Variants in DNAH17 observed in about 807,000 individuals in gnomAD.
The protein encoded by DNAH17 is axonemal beta dynein heavy chain 17.
In DNAH17, 376 loss-of-function variants were observed where a neutral mutation model predicts 485.6. The observed-to-expected ratio is 0.77, with a 90% CI of 0.71 to 0.84. The LOEUF is 0.84. Among genes scored for constraint, DNAH17 ranks in the 40% least tolerant of loss-of-function variants. The probability of loss-of-function intolerance (pLI) is 0.00; values close to 1 mark genes in which losing one functional copy is unlikely to be tolerated. For synonymous variants in DNAH17, 3,031 were observed against 2,405.9 expected (o/e 1.26, Z -7.60); for missense variants, 6,370 against 5,839.3 (o/e 1.09, Z -2.96).
intron 61 of DNAH17, 94 bp downstream of exon 61, chr17:78,458,907 G>A: frequency 7.3e-7 from 1 of 1,367,800 alleles, no homozygotes; most frequent in Non-Finnish European, 1.0e-6. Context: ...CATGACGGCG[G>A]GCCGTGCCAA....
intron 54 of DNAH17, among the ~76,000 whole-genome samples, chr17:78,473,765 C>T (rs896880401): frequency 6.6e-6 from 1 of 152,076 alleles, no homozygotes; most frequent in African/African-American, 2.4e-5. Flanking sequence ...GGAAACGATG[C>T]CGTCATGAAC....
chr17:78,571,590 C>CTGT lies in DNAH17; in HGVS notation c.729_731dup (p.Gln244dup). On this transcript the variant is annotated inframe_insertion and splice_region_variant, in exon 4 of 81. Coordinates refer to ENST00000389840, the MANE Select transcript of DNAH17 (RefSeq NM_173628.4). Reference sequence around the variant, plus strand: ...CCCCACAGGAGAGAGGAGGCCGTACCTGTTCATGGATGCACTTGAGGTTCA... The same window carrying CTGT: ...CCCCACAGGAGAGAGGAGGCCGTACCTGTTGTTCATGGATGCACTTGAGGTTCA... 6.2e-7 allele frequency: 1 copy of CTGT among 1,613,874 alleles called. No individual in the cohort carries two copies. Among genetic ancestry groups the CTGT allele is most frequent in the Non-Finnish European group, 8.5e-7 (1 of 1,179,870 alleles).
intron 47 of DNAH17, 72 bp from the exon 48 acceptor site, chr17:78,485,105 T>TAC: frequency 6.7e-7 from 1 of 1,489,092 alleles, no homozygotes. Context: ...GGAGGGGCGC[T>TAC]ACCTGCTTCC....
rs142288184 is a variant in DNAH17, at chr17:78,429,224, C to T, written c.12302G>A (p.Arg4101Gln). Reference sequence around the variant, plus strand: ...TTCAGCCAGGTAGGTCCTGCACAGCCGACGGTCCCAGTCATCTGTGATGTG... The same window carrying T: ...TTCAGCCAGGTAGGTCCTGCACAGCTGACGGTCCCAGTCATCTGTGATGTG... ...GGHITDDWDR[R>Q]LCRTYLAEYI... The change falls in exon 76 of 81, where the codon CGG becomes CAG. Residue 4101 changes from arginine to glutamine, a missense_variant. Transcript: ENST00000389840. 6.1e-5 allele frequency: 98 copies of T among 1,613,818 alleles called. No individual in the cohort carries two copies. The highest frequency in any genetic ancestry group is 7.9e-5 in the Non-Finnish European group (93 of 1,179,872).
chr17:78,517,103 C>T (rs775553921), intron 25 of DNAH17, among the ~76,000 whole-genome samples: 5 of 152,212 alleles, frequency 3.3e-5, no homozygotes, highest in African/African-American at 4.8e-5. Context: ...AGTACAGTGA[C>T]GTGATCTCAG....
At chr17:78,546,259 G>A (rs1433326655) in intron 16 of DNAH17, among the ~76,000 whole-genome samples, 7 of 152,184 alleles carry the variant, frequency 4.6e-5, no homozygotes, top group Non-Finnish European at 7.3e-5. Flanking sequence ...GTCAAAAATG[G>A]TCAATTATTG....
chr17:78,515,650 G>A (rs1174906114), intron 25 of DNAH17, among the ~76,000 whole-genome samples: 1 of 152,236 alleles, frequency 6.6e-6, no homozygotes, highest in Non-Finnish European at 1.5e-5. Flanking sequence ...GCCAAGGAAA[G>A]GTGAGTGATG....
chr17:78,568,127 G>T (rs1268422449), intron 9 of DNAH17, among the ~76,000 whole-genome samples: 1 of 152,178 alleles, frequency 6.6e-6, no homozygotes, highest in African/African-American at 2.4e-5. Context: ...TTGTCAGGGG[G>T]TGGACAGCAA....
rs1476023212 is a variant in DNAH17 at position 78,505,897 on chromosome 17, G to C, written c.4804-452C>G. 3.9e-5 allele frequency among the ~76,000 whole-genome samples: 6 copies of C among 152,232 alleles called. No individual in the cohort carries two copies. The South Asian group carries it at 1.2e-3, about 32-fold the overall frequency. ...GGAGGCTGAGGCAGGAGAATCACCT[G>C]AACCCAGGAGGCAGAGGTTGTGGTG... On this transcript the variant is annotated intron_variant, in intron 30 of 80. Coordinates refer to ENST00000389840, the MANE Select transcript of DNAH17 (RefSeq NM_173628.4).
At chr17:78,563,536 TCCCAACACTTTGAGGGG>T (rs1352889861) in intron 11 of DNAH17, among the ~76,000 whole-genome samples, 2 of 152,156 alleles carry the variant, frequency 1.3e-5, no homozygotes, top group Non-Finnish European at 2.9e-5. Context: ...ACACCTGTAA[TCCCAACACTTTGAGGGG>T]CCGAGGCGGG....
chr17:78,465,040 G>T (rs1479467370), intron 56 of DNAH17, among the ~76,000 whole-genome samples: 1 of 152,008 alleles, frequency 6.6e-6, no homozygotes, highest in African/African-American at 2.4e-5. Flanking sequence ...CAGCCTCCCT[G>T]CCTGATTCTC....
intron 25 of DNAH17, among the ~76,000 whole-genome samples, chr17:78,518,753 A>G (rs2090855425): frequency 6.6e-6 from 1 of 152,234 alleles, no homozygotes; most frequent in Non-Finnish European, 1.5e-5. Context: ...CCTGATCCAT[A>G]AAATAAAGCT....
chr17:78,485,312 C>T (rs1346910107), intron 47 of DNAH17: 8 of 594,158 alleles, frequency 1.3e-5, no homozygotes, highest in Non-Finnish European at 2.3e-5. Context: ...GGACCTGCTG[C>T]CTCGACTGGC....
At chr17:78,479,716 C>T in intron 49 of DNAH17, 84 bp from the exon 50 acceptor site, 1 of 1,573,440 alleles carries the variant, frequency 6.4e-7, no homozygotes, top group Admixed American at 1.9e-5. Context: ...GGAGAGTGGC[C>T]CCTGTCCTCA....
chr17:78,531,251 G>A lies in DNAH17; in HGVS notation c.3115-739C>T, dbSNP rs141616895. Among the ~76,000 whole-genome samples the A allele has an allele frequency of 2.4e-3, 364 of 151,244 alleles. 1 individual carries two copies. The highest frequency in any genetic ancestry group is 0.01 in the Middle Eastern group (3 of 292). Reference sequence around the variant, plus strand: ...GCTGGGCGCATAGATATGTAGAATTGTTAAATCCTCTCGCTGAGTTGATCC... The same window carrying A: ...GCTGGGCGCATAGATATGTAGAATTATTAAATCCTCTCGCTGAGTTGATCC... On this transcript the variant is annotated intron_variant, in intron 20 of 80. Transcript: ENST00000389840.
In DNAH17 at chr17:78,500,384, G is replaced by C. The variant is rs1453794228; in HGVS notation, c.5561C>G (p.Thr1854Ser). 1 of 1,612,500 alleles carries C rather than the reference G, an allele frequency of 6.2e-7. No homozygotes were observed. The highest frequency in any genetic ancestry group is 1.1e-5 in the South Asian group (1 of 90,838). ...APAGPAGTGK[T>S]ETTKDLGRAL... Reference sequence around the variant, plus strand: ...TCTGCCCAGGTCCTTGGTCGTCTCAGTCTTGCCGGTCCCAGCGGGGCCGGC... The same window carrying C: ...TCTGCCCAGGTCCTTGGTCGTCTCACTCTTGCCGGTCCCAGCGGGGCCGGC... The change falls in exon 36 of 81, where the codon ACT becomes AGT. Residue 1854 changes from threonine to serine, a missense_variant. Coordinates refer to ENST00000389840, the MANE Select transcript of DNAH17 (RefSeq NM_173628.4).
At chr17:78,546,237 C>T (rs2091760094) in intron 16 of DNAH17, among the ~76,000 whole-genome samples, 1 of 152,154 alleles carries the variant, frequency 6.6e-6, no homozygotes, top group Non-Finnish European at 1.5e-5. Context: ...TGAGAACTGC[C>T]ATCTTTTAAA....
rs2092419374 is a variant in DNAH17, at chr17:78,575,397, A to G, written c.-25-315T>C. 2.0e-5 allele frequency among the ~76,000 whole-genome samples: 3 copies of G among 152,278 alleles called. No homozygotes were observed. The South Asian group carries it at 6.2e-4, about 32-fold the overall frequency. On this transcript the variant is annotated intron_variant, in intron 1 of 80. Coordinates refer to ENST00000389840, the MANE Select transcript of DNAH17 (RefSeq NM_173628.4). ...AATGCTGGAGAAAGAGAGAAAAGGA[A>G]ATGGCCGCAACCAGACAGTGTGAAG... is the stretch of plus-strand genomic sequence containing the variant.
In DNAH17 at chr17:78,574,705, G is replaced by T. The variant is rs755959141; in HGVS notation, c.345+8C>A. On this transcript the variant is annotated splice_region_variant and intron_variant, in intron 2 of 80. Coordinates refer to ENST00000389840, the MANE Select transcript of DNAH17 (RefSeq NM_173628.4). ...CGACACCCCGGATGGCAGCCTGGAC[G>T]CACTCACCTCCTCCACCACCGCGAT... The T allele has an allele frequency of 5.0e-6, 8 of 1,588,162 alleles. No individual in the cohort carries two copies. The highest frequency in any genetic ancestry group is 1.7e-5 in the Admixed American group (1 of 58,288).
Sources: gnomAD v4.1 joint callset for allele counts (sites outside exome capture counted in the v4.1 genomes callset) on GRCh38, gnomAD v4.1.1 for gene constraint, MANE v1.5 for transcripts, NCBI Gene and HGNC (gene_info 2026-07-23, HGNC 2026-07-21) for gene names.